The following ESRRB variants were observed in gnomAD, a reference collection of about 807,000 sequenced individuals.
ESRRB encodes the protein estrogen related receptor beta, also known as steroid hormone receptor ERR2.
ESRRB carries 16 observed loss-of-function variants against 46.0 expected under a neutral mutation model. That is an observed-to-expected ratio of 0.35 (90% CI 0.24 to 0.53). The LOEUF (loss-of-function observed/expected upper bound fraction) is 0.53. Ranked by LOEUF, ESRRB falls within the 20% of genes least tolerant of loss-of-function variation. The probability of loss-of-function intolerance (pLI) is 0.93; values close to 1 mark genes in which losing one functional copy is unlikely to be tolerated. For synonymous variants in ESRRB, 246 were observed against 259.6 expected (o/e 0.95, Z 0.50); for missense variants, 488 against 607.4 (o/e 0.80, Z 2.07).
At chr14:76,350,403 G>A (rs12896434) in intron 1 of ESRRB, among the ~76,000 whole-genome samples, 26,244 of 152,104 alleles carry the variant, frequency 0.17, 2,332 homozygotes, top group Middle Eastern at 0.22. Context: ...ACATATGCCT[G>A]CGAATGTTTG....
chr14:76,316,897 T>C (rs534176701), intron 1 of ESRRB, among the ~76,000 whole-genome samples: 1 of 152,342 alleles, frequency 6.6e-6, no homozygotes, highest in African/African-American at 2.4e-5. Flanking sequence ...TCATTTGTCA[T>C]GCTCTCTCCT....
intron 3 of ESRRB, chr14:76,463,445 G>GTTTTTTT (rs1313130923): frequency 3.5e-5 from 4 of 114,738 alleles, no homozygotes; most frequent in African/African-American, 1.1e-4. Context: ...ATGCTTCTTT[G>GTTTTTTT]TTTTTTTTTT....
intron 1 of ESRRB, among the ~76,000 whole-genome samples, chr14:76,437,132 A>G (rs995809366): frequency 6.6e-6 from 1 of 152,070 alleles, no homozygotes; most frequent in Non-Finnish European, 1.5e-5. Flanking sequence ...CTTAAGTTCA[A>G]GTGATTCTCG....
chr14:76,339,781 A>G (rs1450152507), intron 1 of ESRRB, among the ~76,000 whole-genome samples: 3 of 152,134 alleles, frequency 2.0e-5, no homozygotes, highest in South Asian at 2.1e-4. Context: ...GGCTGCCTCT[A>G]TGGCCCCAGG....
At chr14:76,394,559 A>C (rs140047760) in intron 1 of ESRRB, among the ~76,000 whole-genome samples, 201 of 152,246 alleles carry the variant, frequency 1.3e-3, no homozygotes, top group African/African-American at 4.7e-3. Flanking sequence ...CAGCGCCCTC[A>C]TTTTACAGAA....
At chr14:76,496,772 GGGCT>G (rs1890447345) in intron 6 of ESRRB, among the ~76,000 whole-genome samples, 6 of 152,126 alleles carry the variant, frequency 3.9e-5, no homozygotes, top group Non-Finnish European at 8.8e-5. Context: ...GTGGCTCAGG[GGGCT>G]GACGCTGGGC....
upstream of ESRRB, among the ~76,000 whole-genome samples, chr14:76,373,113 A>T (rs780809416): frequency 6.6e-6 from 1 of 152,178 alleles, no homozygotes; most frequent in Non-Finnish European, 1.5e-5. Flanking sequence ...GTCATCTTAC[A>T]TCCTCCACAT....
At position 76,498,493 on chromosome 14, in the gene ESRRB, C is replaced by G. The variant is rs776125685; in HGVS notation, c.*35C>G. 1.4e-5 allele frequency: 22 copies of G among 1,612,746 alleles called. No homozygotes were observed. In the East Asian group the frequency reaches 3.6e-4, roughly 26 times the overall value. On this transcript the variant is annotated 3_prime_UTR_variant, in exon 7 of 7. Transcript: ENST00000644823. ...ACACGGACCAATGCCCACCTACAGA[C>G]AGACAAACGGACAGACCGAGGTGGA... is the stretch of plus-strand genomic sequence containing the variant.
chr14:76,353,304 T>A (rs1307991429), intron 1 of ESRRB, among the ~76,000 whole-genome samples: 5 of 152,148 alleles, frequency 3.3e-5, no homozygotes, highest in Admixed American at 2.0e-4. Context: ...ACCCCACCAC[T>A]TTTTTCTCTG....
At chr14:76,394,609 C>T (rs770978004) in intron 1 of ESRRB, among the ~76,000 whole-genome samples, 4 of 152,220 alleles carry the variant, frequency 2.6e-5, no homozygotes, top group African/African-American at 4.8e-5. Context: ...GCCTTGGCTA[C>T]AGTTCTGCAG....
chr14:76,406,636 T>G (rs780708230), intron 1 of ESRRB, among the ~76,000 whole-genome samples: 2 of 152,066 alleles, frequency 1.3e-5, no homozygotes, highest in Non-Finnish European at 2.9e-5. Flanking sequence ...TCCCAGCTAC[T>G]TGGGAGGCTG....
chr14:76,451,525 C>A (rs559302751), intron 2 of ESRRB, among the ~76,000 whole-genome samples: 12 of 152,324 alleles, frequency 7.9e-5, no homozygotes, highest in African/African-American at 2.9e-4. Flanking sequence ...ATCAGATCTC[C>A]TTTCAGCAAG....
At chr14:76,432,290 T>A (rs1317145537) in intron 1 of ESRRB, among the ~76,000 whole-genome samples, 1 of 152,214 alleles carries the variant, frequency 6.6e-6, no homozygotes, top group Non-Finnish European at 1.5e-5. Context: ...ATGGAATCAC[T>A]CAGCCCCAGA....
chr14:76,481,860 C>G (rs1193615885), intron 3 of ESRRB, among the ~76,000 whole-genome samples, 156 bp from the exon 4 acceptor site: 1 of 152,196 alleles, frequency 6.6e-6, no homozygotes, highest in Non-Finnish European at 1.5e-5. Context: ...TAGGATTGTC[C>G]AGCCACCTGG....
At chr14:76,334,315 T>G (rs1314597058) in intron 1 of ESRRB, among the ~76,000 whole-genome samples, 1 of 152,018 alleles carries the variant, frequency 6.6e-6, no homozygotes, top group Non-Finnish European at 1.5e-5. Context: ...GAGAATATAC[T>G]CTGGAGAGAG....
At chr14:76,440,914 G>C (rs1887896352) in intron 2 of ESRRB, among the ~76,000 whole-genome samples, 1 of 152,132 alleles carries the variant, frequency 6.6e-6, no homozygotes, top group Non-Finnish European at 1.5e-5. Flanking sequence ...CGGGTGTAGT[G>C]TCAAATGCCT....
chr14:76,348,558 A>G (rs960663783), intron 1 of ESRRB, among the ~76,000 whole-genome samples: 1 of 152,212 alleles, frequency 6.6e-6, no homozygotes, highest in Non-Finnish European at 1.5e-5. Flanking sequence ...GTTCCTGAGA[A>G]AACAGGTCAC....
In ESRRB at chr14:76,471,219, CT is replaced by C. The variant is rs1389116312; in HGVS notation, c.577+8559del. Among the ~76,000 whole-genome samples the C allele has an allele frequency of 7.9e-5, 12 of 152,338 alleles. No individual in the cohort carries two copies. In the East Asian group the frequency reaches 2.3e-3, roughly 29 times the overall value. ...TTCAGATTCTCCTACTTTTCTTCAT[CT>C]CCATGGTCATGACCCTGGTCCAAGG... is the stretch of plus-strand genomic sequence containing the variant. On this transcript the variant is annotated intron_variant, in intron 3 of 6. Transcript: ENST00000644823.
chr14:76,379,834 T>C (rs1000343524), intron 1 of ESRRB, among the ~76,000 whole-genome samples: 14 of 125,778 alleles, frequency 1.1e-4, no homozygotes, highest in African/African-American at 4.3e-4. Context: ...TTGCTGATAA[T>C]GAGGACATAT....
Sources: gnomAD v4.1 joint callset for allele counts (sites outside exome capture counted in the v4.1 genomes callset) on GRCh38, gnomAD v4.1.1 for gene constraint, MANE v1.5 for transcripts, NCBI Gene and HGNC (gene_info 2026-07-23, HGNC 2026-07-21) for gene names.